Variants in MALRD1 observed in about 807,000 individuals in gnomAD.
MALRD1 encodes the protein MAM and LDL-receptor class A domain-containing protein 1.
A neutral mutation model predicts 242.1 loss-of-function variants in MALRD1; 247 were observed. That is an observed-to-expected ratio of 1.02 (90% CI 0.92 to 1.13). The LOEUF is 1.13. Among genes scored for constraint, MALRD1 ranks in the 50% most tolerant of loss-of-function variants. The pLI is 0.00. For synonymous variants in MALRD1, 995 were observed against 866.6 expected, an observed-to-expected ratio of 1.15 and a Z score of -2.60; for missense variants, 2,989 against 2,533.1, an observed-to-expected ratio of 1.18 and a Z score of -3.86.
intron 31 of MALRD1, among the ~76,000 whole-genome samples, chr10:19,511,722 C>A (rs928422754): frequency 3.3e-5 from 5 of 152,118 alleles, no homozygotes; most frequent in African/African-American, 9.7e-5. Context: ...TCTCTAAGAT[C>A]ATGTAGGGAT....
At chr10:19,704,654 C>G (rs1046391267) in intron 38 of MALRD1, among the ~76,000 whole-genome samples, 1 of 152,144 alleles carries the variant, frequency 6.6e-6, no homozygotes, top group Non-Finnish European at 1.5e-5. Context: ...TCTCATAATT[C>G]CCTTCCACAA....
At chr10:19,311,560 TAA>T (rs1842423894) in intron 21 of MALRD1, among the ~76,000 whole-genome samples, 1 of 151,448 alleles carries the variant, frequency 6.6e-6, no homozygotes, top group Non-Finnish European at 1.5e-5. Flanking sequence ...TTTTTAAAAT[TAA>T]GTCATTAAGT....
At chr10:19,103,887 T>G (rs1836370237) in intron 4 of MALRD1, 92 bp from the exon 5 acceptor site, 1 of 681,314 alleles carries the variant, frequency 1.5e-6, no homozygotes, top group African/African-American at 1.9e-5. Context: ...GTGACATGCT[T>G]CCTATTGCAG....
In MALRD1 at chr10:19,165,719, AG is replaced by A. The variant is rs1043502570; in HGVS notation, c.1742del (p.Gly581AlafsTer3). Reference protein sequence around the residue: ...RTSLDGNLQKQGKIIRFSESQ... With the variant: ...RTSLDGNLQKXGKIIRFSESQ... ...TCTCTAGATGGAAACTTGCAAAAGC[AG>A]GGCAAAATAATCAGATTCTCCGAAT... On this transcript the variant is annotated frameshift_variant, in exon 13 of 40. Transcript: ENST00000454679. LOFTEE classifies it high-confidence loss of function. The A allele has an allele frequency of 8.1e-7, 1 of 1,231,612 alleles. No homozygotes were observed. Among genetic ancestry groups the A allele is most frequent in the African/African-American group, 1.6e-5 (1 of 64,420 alleles). The allele number at this position is 1,231,612 out of a possible 1,614,324, so 76.3% of individuals were successfully genotyped here.
chr10:19,622,528 A>G (rs991908632), intron 36 of MALRD1, among the ~76,000 whole-genome samples: 4 of 151,840 alleles, frequency 2.6e-5, no homozygotes, highest in African/African-American at 9.7e-5. Context: ...TTCTCCCTAG[A>G]TAATTCTATA....
At chr10:19,555,161 G>T (rs1384869422) in intron 32 of MALRD1, among the ~76,000 whole-genome samples, 2 of 151,934 alleles carry the variant, frequency 1.3e-5, no homozygotes, top group Non-Finnish European at 2.9e-5. Context: ...GAGCTCATGT[G>T]GCCAGGCTTC....
At chr10:19,051,390 A>C (rs1171194758) in intron 1 of MALRD1, 4 of 152,450 alleles carry the variant, frequency 2.6e-5, no homozygotes, top group African/African-American at 9.6e-5. Flanking sequence ...GCTGAAGTTA[A>C]ATTTCTGATG....
intron 35 of MALRD1, among the ~76,000 whole-genome samples, chr10:19,609,172 A>G (rs910032281): frequency 1.3e-5 from 2 of 152,120 alleles, no homozygotes; most frequent in East Asian, 1.9e-4. Flanking sequence ...ATCTGTAGGT[A>G]GTGCTATAGA....
At chr10:19,158,371 C>A (rs1834256380) in intron 12 of MALRD1, among the ~76,000 whole-genome samples, 1 of 152,046 alleles carries the variant, frequency 6.6e-6, no homozygotes, top group South Asian at 2.1e-4. Flanking sequence ...AATATTCCTT[C>A]AGTAAAAGAT....
intron 18 of MALRD1, among the ~76,000 whole-genome samples, chr10:19,245,698 C>G (rs1839014422): frequency 6.6e-6 from 1 of 152,136 alleles, no homozygotes; most frequent in African/African-American, 2.4e-5. Flanking sequence ...CTAAAGTCTT[C>G]CCTACAAACA....
intron 36 of MALRD1, among the ~76,000 whole-genome samples, chr10:19,683,471 T>C (rs1158957823): frequency 2.6e-5 from 4 of 152,228 alleles, no homozygotes; most frequent in African/African-American, 7.2e-5. Flanking sequence ...TTACTGCAGT[T>C]CGTAAATAGG....
intron 32 of MALRD1, among the ~76,000 whole-genome samples, chr10:19,552,341 T>C (rs576539042): frequency 6.6e-6 from 1 of 152,264 alleles, no homozygotes; most frequent in Admixed American, 6.5e-5. Context: ...TCTTCTAGAT[T>C]TCCTAGTTCA....
chr10:19,574,405 A>G (rs1236761016), intron 33 of MALRD1, among the ~76,000 whole-genome samples: 3 of 152,214 alleles, frequency 2.0e-5, no homozygotes, highest in Non-Finnish European at 4.4e-5. Flanking sequence ...ATGAATTTAT[A>G]TGTTATATGG....
chr10:19,530,400 ATTATATATT>A (rs1834325210), intron 31 of MALRD1, among the ~76,000 whole-genome samples: 1 of 84,216 alleles, frequency 1.2e-5, no homozygotes, highest in Admixed American at 1.6e-4. Flanking sequence ...TTATATAAAT[ATTATATATT>A]TATATAATAA....
Position 19,386,717 on chromosome 10 carries a change from C to CAT in MALRD1, c.4442-807_4442-806dup, listed in dbSNP as rs750473364. 3.5e-3 allele frequency among the ~76,000 whole-genome samples: 160 copies of CAT among 46,174 alleles called. 1 individual carries two copies. The highest frequency in any genetic ancestry group is 9.0e-3 in the African/African-American group (85 of 9,420). 30.3% of individuals were successfully genotyped at this position (46,174 alleles called of 152,430 possible). On this transcript the variant is annotated intron_variant, in intron 26 of 39. Transcript: ENST00000454679. ...ATATATACACACACAAATACATATA[C>CAT]ATATACACACACACACACACACACA...
chr10:19,395,270 G>T (rs1846526115), intron 28 of MALRD1, among the ~76,000 whole-genome samples: 1 of 152,144 alleles, frequency 6.6e-6, no homozygotes, highest in Admixed American at 6.5e-5. Flanking sequence ...AGCCTCCAGA[G>T]GTCGTGATGA....
At chr10:19,320,239 G>C (rs1842868227) in intron 21 of MALRD1, among the ~76,000 whole-genome samples, 1 of 151,684 alleles carries the variant, frequency 6.6e-6, no homozygotes, top group African/African-American at 2.4e-5. Context: ...CCCCGCGACA[G>C]GCCCCAGTGT....
intron 32 of MALRD1, among the ~76,000 whole-genome samples, chr10:19,552,691 C>T (rs1589231789): frequency 6.6e-6 from 1 of 151,068 alleles, no homozygotes; most frequent in Admixed American, 6.7e-5. Flanking sequence ...AATTGATTAT[C>T]GTAGAAATAT....
At chr10:19,138,751 C>G (rs1322163947) in intron 10 of MALRD1, among the ~76,000 whole-genome samples, 1 of 152,066 alleles carries the variant, frequency 6.6e-6, no homozygotes, top group Non-Finnish European at 1.5e-5. Context: ...GCTTTTTCCC[C>G]TCCATTGTAT....
Sources: allele counts gnomAD v4.1 joint callset (sites outside exome capture counted in the v4.1 genomes callset), GRCh38; gene constraint gnomAD v4.1.1; transcripts MANE v1.5; gene names NCBI Gene and HGNC (gene_info 2026-07-23, HGNC 2026-07-21).